DKK2: variants seen among roughly 807,000 people sequenced by gnomAD.
DKK2 encodes dickkopf-related protein 2.
In DKK2, 11 loss-of-function variants were observed where a neutral mutation model predicts 28.1. That is an observed-to-expected ratio of 0.39 (90% CI 0.25 to 0.65). The LOEUF (loss-of-function observed/expected upper bound fraction) is 0.65, where lower values mean the gene tolerates loss of function less well. Ranked by LOEUF, DKK2 falls within the 30% of genes least tolerant of loss-of-function variation. The pLI, the probability that DKK2 is intolerant of heterozygous loss-of-function variation, is 0.47. For synonymous variants in DKK2, 135 were observed against 126.5 expected (o/e 1.07, Z -0.45); for missense variants, 326 against 335.5 (o/e 0.97, Z 0.22).
At chr4:107,022,102 C>T (rs934835301) in intron 1 of DKK2, among the ~76,000 whole-genome samples, 2 of 151,976 alleles carry the variant, frequency 1.3e-5, no homozygotes, top group African/African-American at 4.8e-5. Context: ...AAAATGTTCA[C>T]CCTTGGAAAT....
At chr4:106,992,016 G>T (rs985103885) in intron 1 of DKK2, among the ~76,000 whole-genome samples, 1 of 152,162 alleles carries the variant, frequency 6.6e-6, no homozygotes, top group Non-Finnish European at 1.5e-5. Context: ...AAGGTGATTA[G>T]ATTTTAAATG....
intron 1 of DKK2, among the ~76,000 whole-genome samples, chr4:106,946,070 A>G (rs987990073): frequency 3.3e-5 from 5 of 152,150 alleles, no homozygotes; most frequent in Admixed American, 6.6e-5. Flanking sequence ...ACTTTTTACA[A>G]AATGATTTCA....
At chr4:106,982,585 T>C (rs1472906763) in intron 1 of DKK2, among the ~76,000 whole-genome samples, 1 of 152,226 alleles carries the variant, frequency 6.6e-6, no homozygotes, top group Non-Finnish European at 1.5e-5. Flanking sequence ...CCAATTTAGG[T>C]ATTTGGTAAA....
In DKK2 at chr4:106,923,589, T is replaced by C. The variant is rs951118461; in HGVS notation, c.*365A>G. The C allele has an allele frequency of 8.9e-5, 17 of 190,060 alleles. No individual in the cohort carries two copies. Among genetic ancestry groups the C allele is most frequent in the African/African-American group, 4.0e-4 (17 of 42,626 alleles). The allele number at this position is 190,060 out of a possible 1,614,324, so 11.8% of individuals were successfully genotyped here. On this transcript the variant is annotated 3_prime_UTR_variant, in exon 4 of 4. Coordinates refer to ENST00000285311, the MANE Select transcript of DKK2 (RefSeq NM_014421.3). ...AGAAATCTGGCATGTAGGTTATTTGTATAAGCAATCAGCAATCTGAAGGAA... is the reference window on the plus strand; with the variant it reads ...AGAAATCTGGCATGTAGGTTATTTGCATAAGCAATCAGCAATCTGAAGGAA...
At chr4:106,938,676 C>G (rs1724640170) in intron 1 of DKK2, among the ~76,000 whole-genome samples, 1 of 152,042 alleles carries the variant, frequency 6.6e-6, no homozygotes, top group Non-Finnish European at 1.5e-5. Flanking sequence ...AATTTTAGAC[C>G]AATATCCTTG....
chr4:106,973,771 G>A (rs1456381421), intron 1 of DKK2, among the ~76,000 whole-genome samples: 1 of 152,078 alleles, frequency 6.6e-6, no homozygotes, highest in Non-Finnish European at 1.5e-5. Context: ...GGCTTTTGTT[G>A]CCATTGCTTT....
At chr4:106,983,876 A>G (rs1723075000) in intron 1 of DKK2, among the ~76,000 whole-genome samples, 1 of 152,220 alleles carries the variant, frequency 6.6e-6, no homozygotes, top group South Asian at 2.1e-4. Flanking sequence ...CTTATTAGTT[A>G]TTAGGGAAAT....
intron 1 of DKK2, among the ~76,000 whole-genome samples, chr4:106,939,009 T>G (rs1724646751): frequency 6.6e-6 from 1 of 152,096 alleles, no homozygotes; most frequent in African/African-American, 2.4e-5. Flanking sequence ...AATATCATAC[T>G]GAATGGGCAA....
intron 1 of DKK2, among the ~76,000 whole-genome samples, chr4:106,961,926 C>T (rs1420706898): frequency 6.6e-6 from 1 of 152,106 alleles, no homozygotes. Flanking sequence ...GTGTTAGCCA[C>T]TACTATTATT....
intron 1 of DKK2, among the ~76,000 whole-genome samples, chr4:106,994,285 G>T (rs1681164860): frequency 6.6e-6 from 1 of 152,142 alleles, no homozygotes; most frequent in Admixed American, 6.5e-5. Flanking sequence ...TTTATTGCTG[G>T]CTATTTCTGA....
chr4:106,931,417 C>A (rs1169422663), intron 1 of DKK2, among the ~76,000 whole-genome samples: 1 of 151,826 alleles, frequency 6.6e-6, no homozygotes, highest in Non-Finnish European at 1.5e-5. Flanking sequence ...CTGTTACCCC[C>A]AAAATAATTT....
At chr4:107,035,204 AC>A (rs111834128) in intron 1 of DKK2, among the ~76,000 whole-genome samples, 165 bp downstream of exon 1, 289 of 150,494 alleles carry the variant, frequency 1.9e-3, no homozygotes, top group African/African-American at 6.8e-3. Context: ...CCACCCAGAC[AC>A]CCCCCGCCCA....
chr4:106,924,040 C>T lies in DKK2; in HGVS notation c.694G>A (p.Asp232Asn), dbSNP rs768079972. The T allele has an allele frequency of 8.7e-6, 14 of 1,613,924 alleles. No individual in the cohort carries two copies. Among genetic ancestry groups the T allele is most frequent in the Admixed American group, 3.3e-5 (2 of 60,006 alleles). ...SHGLEIFQRC[D>N]CAKGLSCKVW... ...TTGCAAGACAGGCCCTTCGCACAGT[C>T]GCAACGCTGGAAAATTTCCAGCCCA... is the stretch of plus-strand genomic sequence containing the variant. Residue 232 changes from aspartate to asparagine, a missense_variant, in exon 4 of 4, where the codon GAC (aspartate) becomes AAC (asparagine). Transcript: ENST00000285311.
At chr4:106,949,406 G>T (rs546817503) in intron 1 of DKK2, among the ~76,000 whole-genome samples, 1 of 152,242 alleles carries the variant, frequency 6.6e-6, no homozygotes, top group South Asian at 2.1e-4. Context: ...CTGTGGGTGG[G>T]TGGCTATTTT....
At chr4:106,961,566 C>CACACACACACAA (rs1491379491) in intron 1 of DKK2, among the ~76,000 whole-genome samples, 8 of 80,428 alleles carry the variant, frequency 9.9e-5, no homozygotes, top group Non-Finnish European at 1.6e-4. Context: ...CAACAGCCTG[C>CACACACACACAA]ACACACACAC....
chr4:106,944,537 A>G (rs532336264), intron 1 of DKK2, among the ~76,000 whole-genome samples: 21 of 152,232 alleles, frequency 1.4e-4, no homozygotes, highest in Middle Eastern at 3.4e-3. Context: ...CATAATTTAA[A>G]GAAATTTACA....
intron 1 of DKK2, among the ~76,000 whole-genome samples, chr4:107,022,459 T>G (rs1025976942): frequency 6.6e-6 from 1 of 152,108 alleles, no homozygotes; most frequent in African/African-American, 2.4e-5. Flanking sequence ...AGTGATTAAG[T>G]AGGTTAAGTA....
chr4:106,974,826 CA>C (rs1312534839), intron 1 of DKK2, among the ~76,000 whole-genome samples: 5 of 152,108 alleles, frequency 3.3e-5, no homozygotes, highest in African/African-American at 1.2e-4. Context: ...TGCCGGTTTT[CA>C]AAGGGAATGC....
intron 1 of DKK2, among the ~76,000 whole-genome samples, chr4:107,024,996 T>C (rs1177347752): frequency 6.6e-6 from 1 of 152,116 alleles, no homozygotes; most frequent in Non-Finnish European, 1.5e-5. Context: ...CATCAGAGTA[T>C]CAAATGTTTC....
Sources: gnomAD v4.1 joint callset for allele counts (sites outside exome capture counted in the v4.1 genomes callset) on GRCh38, gnomAD v4.1.1 for gene constraint, MANE v1.5 for transcripts, NCBI Gene and HGNC (gene_info 2026-07-23, HGNC 2026-07-21) for gene names.